Variants in PRDM5 observed in about 807,000 individuals in gnomAD.
PRDM5 encodes the protein PR domain zinc finger protein 5.
In PRDM5, 56 loss-of-function variants were observed where a neutral mutation model predicts 81.2. The observed-to-expected ratio is 0.69, with a 90% CI of 0.56 to 0.86. The LOEUF is 0.86. Ranked by LOEUF, PRDM5 falls within the 40% of genes least tolerant of loss-of-function variation. The pLI is 0.00. For missense variants in PRDM5, 697 were observed against 770.1 expected (o/e 0.91, Z 1.12); for synonymous variants, 267 against 256.4 (o/e 1.04, Z -0.39).
intron 13 of PRDM5, among the ~76,000 whole-genome samples, chr4:120,759,906 T>C (rs559994133): frequency 6.6e-6 from 1 of 152,320 alleles, no homozygotes; most frequent in Admixed American, 6.5e-5. Flanking sequence ...ATAGCTAAAA[T>C]GTATAGAGTC....
chr4:120,843,084 C>T (rs958833776), intron 3 of PRDM5, among the ~76,000 whole-genome samples: 1 of 152,162 alleles, frequency 6.6e-6, no homozygotes, highest in Non-Finnish European at 1.5e-5. Context: ...ATAATCCCAG[C>T]ACTTTAGGAT....
At chr4:120,750,683 C>G (rs1034573446) in intron 14 of PRDM5, among the ~76,000 whole-genome samples, 1 of 118,458 alleles carries the variant, frequency 8.4e-6, no homozygotes, top group Non-Finnish European at 1.7e-5. Flanking sequence ...GACTTAGTTT[C>G]TTTTACACAC....
rs187637689 is a variant in PRDM5, at chr4:120,816,835, G to A, written c.740C>T (p.Ser247Leu). Residue 247 changes from serine to leucine, a missense_variant, in exon 6 of 16, where the codon TCG (serine) becomes TTG (leucine). Transcript: ENST00000264808. ...TTTCATAACTCAGACACAAAACCTC[G>A]ATGCTGAACTGAAGGAAGAATTGCA... is the stretch of plus-strand genomic sequence containing the variant. ...SVCNSSFSSA[S>L]SFEQHQETCR... The A allele has an allele frequency of 4.3e-5, 69 of 1,612,874 alleles. No homozygotes were observed. The Admixed American group carries it at 8.3e-4, about 19-fold the overall frequency.
At chr4:120,815,311 A>G (rs1485831576) in intron 7 of PRDM5, among the ~76,000 whole-genome samples, 1 of 152,242 alleles carries the variant, frequency 6.6e-6, no homozygotes, top group East Asian at 1.9e-4. Flanking sequence ...TCCCTAAGTC[A>G]GCTGTGTATT....
intron 2 of PRDM5, among the ~76,000 whole-genome samples, chr4:120,867,591 A>C (rs1050530416): frequency 6.6e-6 from 1 of 152,340 alleles, no homozygotes; most frequent in Admixed American, 6.5e-5. Context: ...GACATAATAA[A>C]CCATTAAAAA....
At chr4:120,809,144 C>T (rs1578826131) in intron 8 of PRDM5, among the ~76,000 whole-genome samples, 1 of 151,418 alleles carries the variant, frequency 6.6e-6, no homozygotes, top group African/African-American at 2.4e-5. Flanking sequence ...ATCGCAAGGA[C>T]AAAAAGCCAA....
At chr4:120,845,860 G>C (rs554831766) in intron 3 of PRDM5, among the ~76,000 whole-genome samples, 10 of 152,304 alleles carry the variant, frequency 6.6e-5, no homozygotes, top group Non-Finnish European at 1.2e-4. Context: ...CATGAGATGA[G>C]AGCAAAATAT....
intron 11 of PRDM5, among the ~76,000 whole-genome samples, chr4:120,784,664 A>C (rs1749506274): frequency 6.6e-6 from 1 of 152,156 alleles, no homozygotes; most frequent in African/African-American, 2.4e-5. Context: ...TTTCTTAATC[A>C]TTATATTTGA....
chr4:120,773,411 T>A (rs1337977318), intron 13 of PRDM5, among the ~76,000 whole-genome samples: 1 of 152,214 alleles, frequency 6.6e-6, no homozygotes, highest in Non-Finnish European at 1.5e-5. Flanking sequence ...AGATCAGCTA[T>A]GATATTAACA....
intron 2 of PRDM5, among the ~76,000 whole-genome samples, chr4:120,873,255 C>T (rs1307022314): frequency 6.6e-6 from 1 of 152,158 alleles, no homozygotes; most frequent in Non-Finnish European, 1.5e-5. Context: ...CTACCCATCT[C>T]GGCCTCCCAA....
At chr4:120,742,600 G>GA (rs1276465155) in intron 14 of PRDM5, among the ~76,000 whole-genome samples, 4 of 152,196 alleles carry the variant, frequency 2.6e-5, no homozygotes, top group Non-Finnish European at 5.9e-5. Context: ...TGATGGAGCT[G>GA]AAAACCAAGG....
At chr4:120,872,163 A>C (rs1439651169) in intron 2 of PRDM5, among the ~76,000 whole-genome samples, 3 of 147,876 alleles carry the variant, frequency 2.0e-5, no homozygotes, top group Non-Finnish European at 3.0e-5. Context: ...AAAAAAAAAA[A>C]AAAAAAAAAA....
At chr4:120,871,223 G>A (rs1225154510) in intron 2 of PRDM5, among the ~76,000 whole-genome samples, 2 of 152,208 alleles carry the variant, frequency 1.3e-5, no homozygotes, top group South Asian at 2.1e-4. Flanking sequence ...TTCTGTCATC[G>A]AACAGGAAAG....
At chr4:120,875,657 G>A (rs1013948989) in intron 2 of PRDM5, among the ~76,000 whole-genome samples, 3 of 152,212 alleles carry the variant, frequency 2.0e-5, no homozygotes, top group African/African-American at 7.2e-5. Flanking sequence ...ATTAACCCAA[G>A]GGCATGGGGA....
At chr4:120,849,546 T>G (rs1759031610) in intron 3 of PRDM5, among the ~76,000 whole-genome samples, 1 of 152,098 alleles carries the variant, frequency 6.6e-6, no homozygotes, top group African/African-American at 2.4e-5. Context: ...CCCAAATGTT[T>G]TTACCTTTTT....
intron 14 of PRDM5, among the ~76,000 whole-genome samples, chr4:120,728,104 T>C (rs577004134): frequency 5.3e-4 from 81 of 152,062 alleles, no homozygotes; most frequent in African/African-American, 1.8e-3. Flanking sequence ...TCCGGTCTCA[T>C]TGCCAGTCCC....
At chr4:120,752,084 C>T (rs898411020) in intron 14 of PRDM5, among the ~76,000 whole-genome samples, 1 of 152,106 alleles carries the variant, frequency 6.6e-6, no homozygotes. Flanking sequence ...TTACAAAATG[C>T]AAATAATACT....
chr4:120,910,350 C>T (rs1219931401), intron 1 of PRDM5, among the ~76,000 whole-genome samples: 1 of 152,100 alleles, frequency 6.6e-6, no homozygotes. Context: ...TATTGAAAAC[C>T]TAATTTATAT....
intron 2 of PRDM5, among the ~76,000 whole-genome samples, chr4:120,880,602 T>TA (rs1250534935): frequency 6.6e-6 from 1 of 152,182 alleles, no homozygotes; most frequent in Non-Finnish European, 1.5e-5. Context: ...ATTTTATACC[T>TA]ACAGCACATG....
Sources: gnomAD v4.1 joint callset for allele counts (sites outside exome capture counted in the v4.1 genomes callset) on GRCh38, gnomAD v4.1.1 for gene constraint, MANE v1.5 for transcripts, NCBI Gene and HGNC (gene_info 2026-07-23, HGNC 2026-07-21) for gene names.